LPO: variants seen among roughly 807,000 people sequenced by gnomAD.
The protein encoded by LPO is lactoperoxidase.
In LPO, 70 loss-of-function variants were observed where a neutral mutation model predicts 68.4. The observed-to-expected ratio is 1.02, with a 90% CI of 0.84 to 1.25. LPO has a LOEUF of 1.25. LPO is among the 50% of genes most tolerant of loss of function. The probability of loss-of-function intolerance (pLI) is 0.00; values close to 1 mark genes in which losing one functional copy is unlikely to be tolerated. For missense variants in LPO, 873 were observed against 908.4 expected (o/e 0.96, Z 0.50); for synonymous variants, 360 against 357.6 (o/e 1.01, Z -0.08).
intron 9 of LPO, among the ~76,000 whole-genome samples, chr17:58,260,646 A>G (rs1970158685): frequency 6.6e-6 from 1 of 152,194 alleles, no homozygotes; most frequent in African/African-American, 2.4e-5. Flanking sequence ...TGATAGGATC[A>G]TATGATTTTT....
rs1419471408 is a variant in LPO, at chr17:58,268,243, C to G, written c.*249C>G. 3.8e-6 allele frequency: 2 copies of G among 521,982 alleles called. No individual in the cohort carries two copies. Among genetic ancestry groups the G allele is most frequent in the Non-Finnish European group, 6.9e-6 (2 of 288,394 alleles). The allele number at this position is 521,982 out of a possible 1,614,324, so 32.3% of individuals were successfully genotyped here. A position where few individuals can be genotyped will look rare whatever the true frequency, so the allele number is the denominator to read the frequency against. ...AGCCCCGCTGAGATGCCCTTCTGCT[C>G]CAGCTTGCTGGATGTTACCTGTCCT... On this transcript the variant is annotated 3_prime_UTR_variant, in exon 13 of 13. Transcript: ENST00000262290.
At chr17:58,247,432 C>T (rs753810071) in intron 3 of LPO, 46 bp from the exon 4 acceptor site, 19 of 1,583,896 alleles carry the variant, frequency 1.2e-5, no homozygotes, top group East Asian at 9.0e-5. Flanking sequence ...CCCCAGCCCC[C>T]TTCCTACAGG....
chr17:58,243,109 C>A, intron 2 of LPO, 54 bp downstream of exon 2: 1 of 1,526,256 alleles, frequency 6.6e-7, no homozygotes, highest in Non-Finnish European at 9.1e-7. Flanking sequence ...AGCACACCAA[C>A]TGGATGGCCT....
chr17:58,242,451 C>T (rs1034421811), intron 1 of LPO, among the ~76,000 whole-genome samples: 11 of 152,206 alleles, frequency 7.2e-5, no homozygotes, highest in Non-Finnish European at 1.3e-4. Flanking sequence ...CAGGCATTCT[C>T]TCCTGGGGCT....
chr17:58,240,555 G>A (rs1021625621), intron 1 of LPO, among the ~76,000 whole-genome samples: 4 of 152,034 alleles, frequency 2.6e-5, no homozygotes. Context: ...TCTGATTTTT[G>A]TTCATACCCG....
Position 58,250,623 on chromosome 17 carries a change from T to C in LPO, c.780+2T>C. 3 of 1,613,852 alleles carry C rather than the reference T, an allele frequency of 1.9e-6. No homozygotes were observed. Among genetic ancestry groups the C allele is most frequent in the Non-Finnish European group, 2.5e-6 (3 of 1,179,884 alleles). Reference sequence around the variant, plus strand: ...GGAGACAACTGCTTCCCCATCATGGTACGGCCCTGCAGCTAGGCATCTCTG... The same window carrying C: ...GGAGACAACTGCTTCCCCATCATGGCACGGCCCTGCAGCTAGGCATCTCTG... On this transcript the variant is annotated splice_donor_variant, in intron 7 of 12. Transcript: ENST00000262290. LOFTEE classifies it high-confidence loss of function.
At chr17:58,246,235 C>T (rs1291816132) in intron 3 of LPO, among the ~76,000 whole-genome samples, 1 of 152,116 alleles carries the variant, frequency 6.6e-6, no homozygotes, top group Non-Finnish European at 1.5e-5. Flanking sequence ...CCAGTGGAGG[C>T]AGGAGGCAAG....
chr17:58,267,561 T>C lies in LPO; in HGVS notation c.1906T>C (p.Phe636Leu). Residue 636 changes from phenylalanine (F) to leucine (L), a missense_variant, in exon 12 of 13, where the codon TTC becomes CTC. Transcript: ENST00000262290. ...PLLACLLGKQ[F>L]QQIRDGDRFW... ...CCTGGCCTGCCTCTTGGGCAAGCAG[T>C]TCCAGCAGATCCGTGATGGAGACAG... is the stretch of plus-strand genomic sequence containing the variant. 1 of 1,612,472 alleles carries C rather than the reference T, an allele frequency of 6.2e-7. No individual in the cohort carries two copies.
chr17:58,244,162 A>G (rs936456383), intron 3 of LPO, 81 bp downstream of exon 3: 1 of 1,204,740 alleles, frequency 8.3e-7, no homozygotes, highest in African/African-American at 1.5e-5. Context: ...GTTCATGACA[A>G]GCACATCTAG....
Position 58,247,470 on chromosome 17 carries a change from C to A in LPO, c.165-8C>A, listed in dbSNP as rs8178317. On this transcript the variant is annotated splice_polypyrimidine_tract_variant and splice_region_variant and intron_variant, in intron 3 of 12. Coordinates refer to ENST00000262290, the MANE Select transcript of LPO (RefSeq NM_006151.3). ...CCAGGCCATGATCCCCATCTCCCTC[C>A]ACTGTAGGCTGAAGACCGCCATGAG... 1 of 1,612,160 alleles carries A rather than the reference C, an allele frequency of 6.2e-7. No individual in the cohort carries two copies. The highest frequency in any genetic ancestry group is 8.5e-7 in the Non-Finnish European group (1 of 1,179,074).
chr17:58,252,808 G>C (rs1385066112), intron 8 of LPO, among the ~76,000 whole-genome samples: 5 of 152,008 alleles, frequency 3.3e-5, no homozygotes, highest in Admixed American at 3.3e-4. Flanking sequence ...CAGATCATGA[G>C]GTCACGAGAT....
chr17:58,254,591 C>G, intron 8 of LPO: 1 of 458,506 alleles, frequency 2.2e-6, no homozygotes, highest in Non-Finnish European at 3.9e-6. Flanking sequence ...AGTAACTTGT[C>G]CAAGGTCACA....
At chr17:58,262,336 C>T (rs1044148069) in intron 9 of LPO, among the ~76,000 whole-genome samples, 2 of 152,140 alleles carry the variant, frequency 1.3e-5, no homozygotes, top group African/African-American at 4.8e-5. Flanking sequence ...GGCGACACTT[C>T]CCCTGGCTTC....
chr17:58,260,274 G>C (rs773463839), intron 9 of LPO, among the ~76,000 whole-genome samples: 7 of 152,196 alleles, frequency 4.6e-5, no homozygotes, highest in Admixed American at 6.5e-5. Context: ...TTCTGCTGTA[G>C]ATTACTTGGA....
At position 58,249,568 on chromosome 17, in the gene LPO, G is replaced by T; in HGVS notation, c.446G>T (p.Arg149Met). The change falls in exon 6 of 13, where the codon AGG becomes ATG. Residue 149 changes from arginine to methionine, a missense_variant and splice_region_variant. By Grantham distance (91) the Arg-to-Met change is moderately conservative (BLOSUM62 -1). Coordinates refer to ENST00000262290, the MANE Select transcript of LPO (RefSeq NM_006151.3). ...AGCGAGGATCGTGCTGGTTTCAGGA[G>T]GAAGCCTGCGCTGGGCGCCGCCAAC... ...RTITGDCNNR[R>M]KPALGAANRA... 2 of 1,604,002 alleles carry T rather than the reference G, an allele frequency of 1.2e-6. No homozygotes were observed. Among genetic ancestry groups the T allele is most frequent in the Non-Finnish European group, 1.7e-6 (2 of 1,179,272 alleles).
intron 8 of LPO, among the ~76,000 whole-genome samples, chr17:58,252,870 A>G (rs369340679): frequency 5.3e-5 from 8 of 151,958 alleles, no homozygotes; most frequent in African/African-American, 1.9e-4. Flanking sequence ...AAAAACACAA[A>G]AAATTAGCCG....
At chr17:58,257,242 A>AT (rs1301264737) in intron 9 of LPO, among the ~76,000 whole-genome samples, 5 of 151,874 alleles carry the variant, frequency 3.3e-5, no homozygotes, top group African/African-American at 1.2e-4. Context: ...CCATCATTCT[A>AT]TTTTTTGGTA....
intron 10 of LPO, among the ~76,000 whole-genome samples, chr17:58,265,465 C>T (rs777192838): frequency 1.3e-5 from 2 of 151,668 alleles, no homozygotes; most frequent in Non-Finnish European, 2.9e-5. Flanking sequence ...CCTAGCAAGT[C>T]AAGGACATTT....
chr17:58,244,142 C>G (rs1969812195), intron 3 of LPO, 61 bp downstream of exon 3: 1 of 1,335,038 alleles, frequency 7.5e-7, no homozygotes, highest in Non-Finnish European at 1.1e-6. Context: ...CTTCCCTTCA[C>G]AGGCTTCCTG....
Sources: gnomAD v4.1 joint callset for allele counts (sites outside exome capture counted in the v4.1 genomes callset) on GRCh38, gnomAD v4.1.1 for gene constraint, MANE v1.5 for transcripts, NCBI Gene and HGNC (gene_info 2026-07-23, HGNC 2026-07-21) for gene names.